Variants in SLC18B1 observed in about 807,000 individuals in gnomAD.
The protein encoded by SLC18B1 is solute carrier family 18 member B1.
In SLC18B1, 62 loss-of-function variants were observed where a neutral mutation model predicts 53.9. The observed-to-expected ratio is 1.15, with a 90% CI of 0.94 to 1.42. The LOEUF (loss-of-function observed/expected upper bound fraction) is 1.42. Ranked by LOEUF, SLC18B1 falls within the 40% of genes most tolerant of loss-of-function variation. The probability of loss-of-function intolerance (pLI) is 0.00; values close to 1 mark genes in which losing one functional copy is unlikely to be tolerated. For missense variants in SLC18B1, 598 were observed against 547.3 expected (o/e 1.09, Z -0.93); for synonymous variants, 217 against 200.9 (o/e 1.08, Z -0.68).
intron 6 of SLC18B1, among the ~76,000 whole-genome samples, chr6:132,782,521 A>T (rs1562266124): frequency 2.0e-5 from 3 of 152,132 alleles, no homozygotes; most frequent in Non-Finnish European, 1.5e-5. Flanking sequence ...AAAGATTTTA[A>T]TAAGATAATT....
chr6:132,773,064 T>C lies in SLC18B1; in HGVS notation c.1014A>G (p.Ile338Met). The C allele has an allele frequency of 6.2e-7, 1 of 1,613,806 alleles. No individual in the cohort carries two copies. Among genetic ancestry groups the C allele is most frequent in the South Asian group, 1.1e-5 (1 of 91,070 alleles). The change falls in exon 10 of 14, where the codon ATA becomes ATG. Residue 338 changes from isoleucine to methionine, a missense_variant. Physicochemically the swap from Ile to Met is conservative, Grantham distance 10. Transcript: ENST00000275227. ...CAGCAGAGAGGCCACTTACAACTAA[T>C]ATCAGCACCAGCAGCCAGAGCTGAC... ...IKSQLWLLVL[I>M]LVVSGLSAGM...
intron 7 of SLC18B1, among the ~76,000 whole-genome samples, chr6:132,779,060 C>T (rs1273319408): frequency 6.6e-6 from 1 of 152,200 alleles, no homozygotes; most frequent in African/African-American, 2.4e-5. Context: ...ATGTTAAGGC[C>T]ACTTAGTGAA....
rs1462536808 is a variant in SLC18B1 at position 132,769,789 on chromosome 6, A to G, written c.*481T>C. 6.6e-6 allele frequency: 1 copy of G among 152,380 alleles called. No individual in the cohort carries two copies. The highest frequency in any genetic ancestry group is 1.5e-5 in the Non-Finnish European group (1 of 68,180). 9.4% of individuals were successfully genotyped at this position (152,380 alleles called of 1,614,324 possible). ...AAAAACCTCAGGACAAAGAGAAAGT[A>G]TATCTTTTAAAAACTGATTTCATAG... On this transcript the variant is annotated 3_prime_UTR_variant, in exon 14 of 14. Transcript: ENST00000275227.
Position 132,770,930 on chromosome 6 carries a change from T to G in SLC18B1, c.1264A>C (p.Met422Leu). The G allele has an allele frequency of 6.2e-7, 1 of 1,612,570 alleles. No individual in the cohort carries two copies. The highest frequency in any genetic ancestry group is 1.3e-5 in the African/African-American group (1 of 74,852). Residue 422 changes from methionine to leucine, a missense_variant, in exon 13 of 14, where the codon ATG becomes CTG. Coordinates refer to ENST00000275227, the MANE Select transcript of SLC18B1 (RefSeq NM_052831.3). ...GLWALISGLA[M>L]GLFYLLEYSR... ...TACTCCAGTAGATAAAACAAGCCCATGGCTAATCCCTTAAACACAATTAAA... is the reference window on the plus strand; with the variant it reads ...TACTCCAGTAGATAAAACAAGCCCAGGGCTAATCCCTTAAACACAATTAAA...
intron 2 of SLC18B1, among the ~76,000 whole-genome samples, chr6:132,792,261 A>G (rs144965523): frequency 0.041 from 1,635 of 39,914 alleles, 36 homozygotes; most frequent in Middle Eastern, 0.068. Flanking sequence ...GAAAGAAAGA[A>G]AGAAAGAAAG....
intron 13 of SLC18B1, 86 bp downstream of exon 13, chr6:132,770,804 G>T: frequency 7.8e-7 from 1 of 1,289,832 alleles, no homozygotes; most frequent in South Asian, 1.3e-5. Flanking sequence ...CCACTGACTG[G>T]AAGAATAAAT....
intron 4 of SLC18B1, 102 bp downstream of exon 4, chr6:132,789,662 C>T (rs1781472554): frequency 2.4e-6 from 2 of 823,146 alleles, no homozygotes; most frequent in African/African-American, 1.7e-5. Context: ...ATTTGACAGA[C>T]AATAAATGGA....
chr6:132,793,952 T>C (rs1781608864), intron 2 of SLC18B1, among the ~76,000 whole-genome samples: 1 of 152,162 alleles, frequency 6.6e-6, no homozygotes, highest in Non-Finnish European at 1.5e-5. Context: ...ACCCACAGCA[T>C]GGTTTTCCTT....
intron 6 of SLC18B1, among the ~76,000 whole-genome samples, chr6:132,780,494 G>C (rs985013024): frequency 6.7e-6 from 1 of 150,240 alleles, no homozygotes. Context: ...ATGCAGTGTG[G>C]TTCAGCTATT....
chr6:132,770,975 T>C, intron 12 of SLC18B1, 36 bp from the exon 13 acceptor site: 1 of 1,611,160 alleles, frequency 6.2e-7, no homozygotes, highest in Admixed American at 1.7e-5. Flanking sequence ...TAATGTAAAT[T>C]TTCCAAGTCA....
chr6:132,778,853 C>T (rs1050744756), intron 7 of SLC18B1, among the ~76,000 whole-genome samples: 3 of 152,132 alleles, frequency 2.0e-5, no homozygotes, highest in African/African-American at 7.2e-5. Flanking sequence ...TTATATGAAG[C>T]AGCTTAAAAA....
intron 12 of SLC18B1, 33 bp downstream of exon 12, chr6:132,771,003 A>C: frequency 6.2e-7 from 1 of 1,609,952 alleles, no homozygotes; most frequent in Non-Finnish European, 8.5e-7. Context: ...CCACAAATAT[A>C]AGGAAAATGC....
rs376776729 is a variant in SLC18B1 at position 132,779,383 on chromosome 6, G to A, written c.680C>T (p.Ser227Leu). 2 of 1,612,198 alleles carry A rather than the reference G, an allele frequency of 1.2e-6. No individual in the cohort carries two copies. The highest frequency in any genetic ancestry group is 3.3e-5 in the Admixed American group (2 of 59,942). Residue 227 changes from serine (S) to leucine (L), a missense_variant, in exon 7 of 14, where the codon TCA becomes TTA. Transcript: ENST00000275227. ...GGGTAAAGCGATCAGTTTCCAGAAT[G>A]AGTGTTCACCTGGATCAGACTCTTT... The part of the protein sequence containing the change: ...PNYESDPGEH[S>L]FWKLIALPKV...
chr6:132,788,048 C>G (rs1781426674), intron 4 of SLC18B1, among the ~76,000 whole-genome samples: 1 of 151,840 alleles, frequency 6.6e-6, no homozygotes, highest in Non-Finnish European at 1.5e-5. Flanking sequence ...GTAGTTCCAG[C>G]TACTCGGGAG....
At position 132,793,122 on chromosome 6, in the gene SLC18B1, C is replaced by CAATAAATA. The variant is rs34648566; in HGVS notation, c.184-2858_184-2851dup. 1.7e-3 allele frequency among the ~76,000 whole-genome samples: 256 copies of CAATAAATA among 151,810 alleles called. 1 individual carries two copies. The highest frequency in any genetic ancestry group is 5.4e-3 in the African/African-American group (222 of 41,416). The stretch of plus-strand genomic sequence containing the variant: ...GGCATGATGGAACGAGGCTCTGTCT[C>CAATAAATA]AATAAATAAATAAATAAATAAGCAA... On this transcript the variant is annotated intron_variant, in intron 2 of 13. Coordinates refer to ENST00000275227, the MANE Select transcript of SLC18B1 (RefSeq NM_052831.3).
intron 9 of SLC18B1, among the ~76,000 whole-genome samples, 198 bp downstream of exon 9, chr6:132,774,024 A>C (rs1193096664): frequency 6.6e-6 from 1 of 152,236 alleles, no homozygotes; most frequent in East Asian, 1.9e-4. Flanking sequence ...GACAGATTTT[A>C]TGCATTTTTT....
Position 132,771,055 on chromosome 6 carries a change from C to T in SLC18B1, c.1235G>A (p.Gly412Asp). ...IGFEWAAAIQ[G>D]LWALISGLAM... ...ACTCACACTTATCAGAGCCCATAGA[C>T]CTTGTATAGCTGCTGCCCATTCAAA... The change falls in exon 12 of 14, where the codon GGT becomes GAT. Residue 412 changes from glycine (G) to aspartate (D), a missense_variant. Coordinates refer to ENST00000275227, the MANE Select transcript of SLC18B1 (RefSeq NM_052831.3). 6.2e-7 allele frequency: 1 copy of T among 1,614,108 alleles called. No homozygotes were observed. Among genetic ancestry groups the T allele is most frequent in the East Asian group, 2.2e-5 (1 of 44,866 alleles).
chr6:132,791,344 T>C (rs528761049), intron 2 of SLC18B1, among the ~76,000 whole-genome samples: 215 of 152,354 alleles, frequency 1.4e-3, no homozygotes, highest in African/African-American at 4.7e-3. Flanking sequence ...ACTTTTGCAC[T>C]CTTCAACATC....
chr6:132,787,714 T>A, intron 4 of SLC18B1, 133 bp from the exon 5 acceptor site: 1 of 761,064 alleles, frequency 1.3e-6, no homozygotes, highest in South Asian at 4.5e-5. Context: ...GAATATGATT[T>A]TTTTAAAAGA....
Sources: gnomAD v4.1 joint callset for allele counts (sites outside exome capture counted in the v4.1 genomes callset) on GRCh38, gnomAD v4.1.1 for gene constraint, MANE v1.5 for transcripts, NCBI Gene and HGNC (gene_info 2026-07-23, HGNC 2026-07-21) for gene names.